The following ZNF546 variants were observed in gnomAD, a reference collection of about 807,000 sequenced individuals.
ZNF546 encodes the protein CTC-471F3.6.
Under a neutral mutation model 76.2 loss-of-function variants are expected in ZNF546, and 60 were observed. The observed-to-expected ratio is 0.79, with a 90% CI of 0.64 to 0.98. The LOEUF is 0.98. Ranked by LOEUF, ZNF546 falls within the 50% of genes least tolerant of loss-of-function variation. ZNF546 has a pLI of 0.00. For missense variants in ZNF546, 936 were observed against 1,035.6 expected (o/e 0.90, Z 1.32); for synonymous variants, 277 against 328.1 (o/e 0.84, Z 1.68).
chr19:40,015,871 C>A lies in ZNF546; in HGVS notation c.*90C>A. On this transcript the variant is annotated 3_prime_UTR_variant, in exon 7 of 7. Coordinates refer to ENST00000347077, the MANE Select transcript of ZNF546 (RefSeq NM_178544.5). ...GTTTGTTACGGAACATGTGGGAATC[C>A]CTTTTACTTCATGCTCACAATTTAT... The A allele has an allele frequency of 8.7e-7, 1 of 1,150,222 alleles. No individual in the cohort carries two copies. Among genetic ancestry groups the A allele is most frequent in the Non-Finnish European group, 1.3e-6 (1 of 776,426 alleles). 71.3% of individuals were successfully genotyped at this position (1,150,222 alleles called of 1,614,324 possible).
intron 3 of ZNF546, chr19:39,999,598 C>G (rs1971501086): frequency 6.8e-6 from 1 of 146,246 alleles, no homozygotes; most frequent in African/African-American, 2.6e-5. Context: ...TTTTTTTTGA[C>G]AGAGTCTCGT....
At chr19:40,005,855 G>C (rs1447097426) in intron 3 of ZNF546, among the ~76,000 whole-genome samples, 2 of 152,158 alleles carry the variant, frequency 1.3e-5, no homozygotes, top group South Asian at 2.1e-4. Context: ...ATGTTAATAT[G>C]ATAAAGGACC....
In ZNF546 at chr19:40,016,168, A is replaced by G. The variant is rs752429261; in HGVS notation, c.*387A>G. The G allele has an allele frequency of 5.0e-5, 11 of 217,946 alleles. No homozygotes were observed. Among genetic ancestry groups the G allele is most frequent in the Admixed American group, 4.8e-4 (9 of 18,934 alleles). The allele number at this position is 217,946 out of a possible 1,614,324, so 13.5% of individuals were successfully genotyped here. On this transcript the variant is annotated 3_prime_UTR_variant, in exon 7 of 7. Transcript: ENST00000347077. The stretch of plus-strand genomic sequence containing the variant: ...CCCTGCCTCATGGCTTTAGTGAGCC[A>G]TGATTGTGCCACTGCACTCCAGCTT...
chr19:40,006,671 C>T lies in ZNF546; in HGVS notation c.171+489C>T, dbSNP rs117479674. Among the ~76,000 whole-genome samples the T allele has an allele frequency of 6.6e-3, 1,012 of 152,268 alleles. 5 individuals are homozygous for T. The highest frequency in any genetic ancestry group is 0.012 in the Non-Finnish European group (792 of 68,016). ...CAGGGGTAGCAGGTAGGAAGATCCT[C>T]CAATCCCTAATGATGGCTGGAAATA... is the stretch of plus-strand genomic sequence containing the variant. On this transcript the variant is annotated intron_variant, in intron 4 of 6. Coordinates refer to ENST00000347077, the MANE Select transcript of ZNF546 (RefSeq NM_178544.5).
intron 6 of ZNF546, 79 bp from the exon 7 acceptor site, chr19:40,013,586 C>T: frequency 1.7e-6 from 2 of 1,178,932 alleles, no homozygotes; most frequent in Non-Finnish European, 1.2e-6. Flanking sequence ...AGGTACAACC[C>T]CCATCCCTGC....
At position 40,016,262 on chromosome 19, in the gene ZNF546, T is replaced by C. The variant is rs930696601; in HGVS notation, c.*481T>C. 1 of 170,314 alleles carries C rather than the reference T, an allele frequency of 5.9e-6. No homozygotes were observed. Among genetic ancestry groups the C allele is most frequent in the Non-Finnish European group, 1.3e-5 (1 of 79,012 alleles). The allele number at this position is 170,314 out of a possible 1,614,324, so 10.6% of individuals were successfully genotyped here. A position where few individuals can be genotyped will look rare whatever the true frequency, so the allele number is the denominator to read the frequency against. On this transcript the variant is annotated 3_prime_UTR_variant, in exon 7 of 7. Transcript: ENST00000347077. ...CGGGCCAGGCACAGTGGCTCACACCTGTAATCCCAGCACTATGGGAGGCCC... is the reference window on the plus strand; with the variant it reads ...CGGGCCAGGCACAGTGGCTCACACCCGTAATCCCAGCACTATGGGAGGCCC...
In ZNF546 at chr19:40,015,551, C is replaced by G. The variant is rs1971752553; in HGVS notation, c.2281C>G (p.Gln761Glu). The change falls in exon 7 of 7, where the codon CAA becomes GAA. Residue 761 changes from glutamine (Q) to glutamate (E), a missense_variant. Transcript: ENST00000347077. ...CKECGNAFRL[Q>E]AELTRHHIVH... The stretch of plus-strand genomic sequence containing the variant: ...AGAATGTGGGAATGCCTTTCGTCTT[C>G]AAGCAGAACTTACTCGACATCACAT... 6.2e-7 allele frequency: 1 copy of G among 1,613,926 alleles called. No individual in the cohort carries two copies. Among genetic ancestry groups the G allele is most frequent in the Non-Finnish European group, 8.5e-7 (1 of 1,180,030 alleles).
At chr19:40,011,574 C>T (rs1371822190) in intron 6 of ZNF546, among the ~76,000 whole-genome samples, 1 of 152,148 alleles carries the variant, frequency 6.6e-6, no homozygotes, top group Admixed American at 6.5e-5. Flanking sequence ...ACCTATTGTA[C>T]ACAAACTCTT....
chr19:40,016,369 A>G lies in ZNF546; in HGVS notation c.*588A>G, dbSNP rs1032782042. On this transcript the variant is annotated 3_prime_UTR_variant, in exon 7 of 7. Transcript: ENST00000347077. The stretch of plus-strand genomic sequence containing the variant: ...AACCCCTTCTCTACTAAAATACACA[A>G]ATTAGCTAGGCATTGTGGGGGGTGC... The G allele has an allele frequency of 6.5e-6, 1 of 153,078 alleles. No individual in the cohort carries two copies. The highest frequency in any genetic ancestry group is 1.5e-5 in the Non-Finnish European group (1 of 68,780). The allele number at this position is 153,078 out of a possible 1,614,324, so 9.5% of individuals were successfully genotyped here.
rs199702996 is a variant in ZNF546 at position 40,015,464 on chromosome 19, C to T, written c.2194C>T (p.Arg732Cys). The T allele has an allele frequency of 1.4e-5, 22 of 1,613,978 alleles. No individual in the cohort carries two copies. Among genetic ancestry groups the T allele is most frequent in the Middle Eastern group, 1.6e-4 (1 of 6,084 alleles). The part of the protein sequence containing the change: ...ECKECGKTFS[R>C]RYHLTQHFRL... ...TAAGGAATGTGGAAAGACCTTTAGT[C>T]GTCGGTATCATCTTACTCAACATTT... The change falls in exon 7 of 7, where the codon CGT becomes TGT. Residue 732 changes from arginine (R) to cysteine (C), a missense_variant. Physicochemically the swap from Arg to Cys is radical, Grantham distance 180 (BLOSUM62 -3). Coordinates refer to ENST00000347077, the MANE Select transcript of ZNF546 (RefSeq NM_178544.5).
Position 40,014,026 on chromosome 19 carries a change from G to A in ZNF546, c.756G>A (p.Lys252=), listed in dbSNP as rs749801684. The A allele has an allele frequency of 6.2e-7, 1 of 1,611,990 alleles. No individual in the cohort carries two copies. The highest frequency in any genetic ancestry group is 8.5e-7 in the Non-Finnish European group (1 of 1,178,552). Residue 252 remains lysine (K), a synonymous_variant, in exon 7 of 7, where the codon AAG becomes AAA. Transcript: ENST00000347077. ...ERPYKCMECG[K]AFCRVGDLRV... ...CCTATAAATGTATGGAATGTGGAAA[G>A]GCCTTTTGTCGAGTGGGAGACCTTA... is the stretch of plus-strand genomic sequence containing the variant.
At chr19:39,998,518 C>T in intron 3 of ZNF546, 108 bp downstream of exon 3, 2 of 954,888 alleles carry the variant, frequency 2.1e-6, no homozygotes. Flanking sequence ...CCAAAGACCT[C>T]AGTTTTAAAA....
intron 4 of ZNF546, 32 bp downstream of exon 4, chr19:40,006,214 G>A: frequency 6.3e-7 from 1 of 1,576,106 alleles, no homozygotes; most frequent in Non-Finnish European, 8.7e-7. Context: ...TTGAAATACT[G>A]TGTTTTTAAA....
chr19:40,011,858 T>A (rs1479233216), intron 6 of ZNF546, among the ~76,000 whole-genome samples: 1 of 152,216 alleles, frequency 6.6e-6, no homozygotes, highest in Admixed American at 6.5e-5. Flanking sequence ...CCTCTCTTGA[T>A]CTCCCTATGC....
chr19:39,997,978 C>T (rs765111428), intron 2 of ZNF546, 63 bp downstream of exon 2: 6 of 229,768 alleles, frequency 2.6e-5, no homozygotes, highest in Non-Finnish European at 4.3e-5. Flanking sequence ...CTCACACAGC[C>T]TTGCCTGCAC....
At position 40,007,750 on chromosome 19, in the gene ZNF546, G is replaced by T. The variant is rs1971622455; in HGVS notation, c.298+350G>T. On this transcript the variant is annotated intron_variant, in intron 5 of 6. Transcript: ENST00000347077. ...TCCTACAAGACAACAGCTAGTCTCA[G>T]AATTCTAGTTTTCCTTGATTATCAA... 2.0e-5 allele frequency among the ~76,000 whole-genome samples: 3 copies of T among 152,120 alleles called. No individual in the cohort carries two copies. In the South Asian group the frequency reaches 6.2e-4, roughly 31 times the overall value.
chr19:40,015,079 T>G lies in ZNF546; in HGVS notation c.1809T>G (p.His603Gln). 1 of 1,614,026 alleles carries G rather than the reference T, an allele frequency of 6.2e-7. No individual in the cohort carries two copies. The highest frequency in any genetic ancestry group is 8.5e-7 in the Non-Finnish European group (1 of 1,179,908). Residue 603 changes from histidine (H) to glutamine (Q), a missense_variant, in exon 7 of 7, where the codon CAT becomes CAG. By Grantham distance (24) the His-to-Gln change is conservative. Coordinates refer to ENST00000347077, the MANE Select transcript of ZNF546 (RefSeq NM_178544.5). ...ATCTTACTCAACATTTTAAAATTCA[T>G]ACTGGTGAAAAACCCTACATATGTA... ...RYNLTQHFKI[H>Q]TGEKPYICNE...
Position 40,016,008 on chromosome 19 carries a change from T to G in ZNF546, c.*227T>G. The stretch of plus-strand genomic sequence containing the variant: ...TGCATCCCAAACCATCAAGGGCCTT[T>G]TCCCCTACAAACTGTTGTTGAACAG... On this transcript the variant is annotated 3_prime_UTR_variant, in exon 7 of 7. Transcript: ENST00000347077. 1 of 538,292 alleles carries G rather than the reference T, an allele frequency of 1.9e-6. No individual in the cohort carries two copies. Among genetic ancestry groups the G allele is most frequent in the Non-Finnish European group, 3.3e-6 (1 of 301,724 alleles). 33.3% of individuals were successfully genotyped at this position (538,292 alleles called of 1,614,324 possible).
At position 40,015,296 on chromosome 19, in the gene ZNF546, C is replaced by A; in HGVS notation, c.2026C>A (p.Arg676=). The part of the protein sequence containing the change: ...ECTECGKTFS[R]HYHLTQHHRG... ...TACGGAATGTGGGAAGACGTTTAGT[C>A]GGCACTATCATCTTACTCAACATCA... Residue 676 remains arginine (R), a synonymous_variant, in exon 7 of 7, where the codon CGG becomes AGG. Coordinates refer to ENST00000347077, the MANE Select transcript of ZNF546 (RefSeq NM_178544.5). 6.2e-7 allele frequency: 1 copy of A among 1,613,820 alleles called. No homozygotes were observed. The highest frequency in any genetic ancestry group is 1.1e-5 in the South Asian group (1 of 91,062).
Sources: gnomAD v4.1 joint callset for allele counts (sites outside exome capture counted in the v4.1 genomes callset) on GRCh38, gnomAD v4.1.1 for gene constraint, MANE v1.5 for transcripts, NCBI Gene and HGNC (gene_info 2026-07-23, HGNC 2026-07-21) for gene names.